The following PHKB variants were observed in gnomAD, a reference collection of about 807,000 sequenced individuals.
The protein encoded by PHKB is phosphorylase b kinase regulatory subunit beta.
In PHKB, 122 loss-of-function variants were observed where a neutral mutation model predicts 152.1. That is an observed-to-expected ratio of 0.80 (90% CI 0.69 to 0.93). The LOEUF is 0.93. Among genes scored for constraint, PHKB ranks in the 40% least tolerant of loss-of-function variants. The probability of loss-of-function intolerance (pLI) is 0.00; values close to 1 mark genes in which losing one functional copy is unlikely to be tolerated. For synonymous variants in PHKB, 436 were observed against 464.9 expected (o/e 0.94, Z 0.80); for missense variants, 1,304 against 1,328.4 (o/e 0.98, Z 0.29).
At chr16:47,661,856 A>C (rs1303480695) in intron 23 of PHKB, 56 bp downstream of exon 23, 1 of 1,010,402 alleles carries the variant, frequency 9.9e-7, no homozygotes, top group Admixed American at 1.7e-5. Flanking sequence ...CCTTGAACAT[A>C]TATCAAATAT....
chr16:47,694,374 A>G (rs1353631263), intron 28 of PHKB, among the ~76,000 whole-genome samples: 1 of 152,176 alleles, frequency 6.6e-6, no homozygotes, highest in East Asian at 1.9e-4. Flanking sequence ...TCTTTATACA[A>G]ATAAAGTATT....
intron 28 of PHKB, among the ~76,000 whole-genome samples, chr16:47,693,908 A>G (rs1445773489): frequency 1.3e-5 from 2 of 152,190 alleles, no homozygotes; most frequent in Admixed American, 6.5e-5. Flanking sequence ...AGAGTTTCCT[A>G]TATTGGCTTT....
At chr16:47,640,049 A>C (rs1459828220) in intron 14 of PHKB, among the ~76,000 whole-genome samples, 1 of 152,232 alleles carries the variant, frequency 6.6e-6, no homozygotes, top group Non-Finnish European at 1.5e-5. Flanking sequence ...TTTAAATCAC[A>C]TGAAAGTCTG....
At chr16:47,498,997 T>C (rs1226194632) in intron 2 of PHKB, among the ~76,000 whole-genome samples, 2 of 152,228 alleles carry the variant, frequency 1.3e-5, no homozygotes, top group African/African-American at 4.8e-5. Context: ...AGCAATAAAA[T>C]AGTTTTTAGT....
chr16:47,603,292 T>C (rs982437167), intron 13 of PHKB, among the ~76,000 whole-genome samples: 11 of 152,294 alleles, frequency 7.2e-5, no homozygotes, highest in African/African-American at 2.4e-4. Context: ...TTTTACATGT[T>C]GGTTGCTAAG....
chr16:47,612,496 C>T (rs1266214170), intron 14 of PHKB, among the ~76,000 whole-genome samples: 1 of 152,164 alleles, frequency 6.6e-6, no homozygotes, highest in Non-Finnish European at 1.5e-5. Flanking sequence ...CTCAAGAAAG[C>T]TTATCAGGAG....
intron 7 of PHKB, among the ~76,000 whole-genome samples, chr16:47,558,088 C>T (rs1971409744): frequency 6.6e-6 from 1 of 151,120 alleles, no homozygotes; most frequent in Admixed American, 6.6e-5. Context: ...TTTGTAGGGA[C>T]ATGGATGAAA....
intron 1 of PHKB, among the ~76,000 whole-genome samples, chr16:47,482,202 T>C (rs1969975444): frequency 6.6e-6 from 1 of 152,182 alleles, no homozygotes; most frequent in African/African-American, 2.4e-5. Flanking sequence ...ATCACTGAAG[T>C]CTAGGGGTTG....
intron 7 of PHKB, among the ~76,000 whole-genome samples, chr16:47,574,336 G>A (rs12922960): frequency 2.0e-5 from 3 of 151,946 alleles, no homozygotes; most frequent in Admixed American, 6.6e-5. Flanking sequence ...CAGTCTCCCC[G>A]CTTTCACACC....
chr16:47,557,371 A>G (rs892718846), intron 7 of PHKB, among the ~76,000 whole-genome samples: 4 of 152,238 alleles, frequency 2.6e-5, no homozygotes, highest in African/African-American at 9.6e-5. Context: ...ACAAAAGCCA[A>G]AATTGACAAA....
intron 26 of PHKB, 124 bp downstream of exon 26, chr16:47,669,541 C>A (rs752839673): frequency 8.4e-5 from 70 of 829,506 alleles, no homozygotes; most frequent in African/African-American, 1.8e-4. Flanking sequence ...AGCACCTGTC[C>A]TCTAAGCCAT....
chr16:47,529,019 G>T (rs1013437819), intron 6 of PHKB, among the ~76,000 whole-genome samples: 1 of 152,070 alleles, frequency 6.6e-6, no homozygotes, highest in Admixed American at 6.5e-5. Flanking sequence ...CACAAAAAAT[G>T]CTGGGGATTG....
At chr16:47,502,008 AACTT>A (rs1970332315) in intron 3 of PHKB, among the ~76,000 whole-genome samples, 1 of 152,194 alleles carries the variant, frequency 6.6e-6, no homozygotes, top group African/African-American at 2.4e-5. Flanking sequence ...AATGATGAAT[AACTT>A]ACTTTTTACT....
intron 1 of PHKB, among the ~76,000 whole-genome samples, chr16:47,478,148 C>T (rs1434246606): frequency 2.0e-5 from 3 of 152,032 alleles, no homozygotes; most frequent in African/African-American, 7.2e-5. Flanking sequence ...TACCTTAGAC[C>T]TCTTTAAAGC....
In PHKB at chr16:47,565,995, C is replaced by T. The variant is rs1438334228; in HGVS notation, c.711-14300C>T. 48 of 753,268 alleles carry T rather than the reference C, an allele frequency of 6.4e-5. No individual in the cohort carries two copies. In the South Asian group the frequency reaches 6.7e-4, roughly 10 times the overall value. The allele number at this position is 753,268 out of a possible 1,614,324, so 46.7% of individuals were successfully genotyped here. On this transcript the variant is annotated intron_variant, in intron 7 of 30. Coordinates refer to ENST00000323584, the MANE Select transcript of PHKB (RefSeq NM_000293.3). ...TCTGGAGCTCTATGACCGATCATCC[C>T]GTCTGTTGGATCAGTCTTCATCACA...
intron 14 of PHKB, among the ~76,000 whole-genome samples, chr16:47,616,469 A>G (rs1972515669): frequency 1.4e-5 from 2 of 139,784 alleles, no homozygotes; most frequent in Admixed American, 7.2e-5. Flanking sequence ...TATATGATAT[A>G]TAATATATCA....
chr16:47,584,736 G>A (rs926278062), intron 8 of PHKB, among the ~76,000 whole-genome samples: 1 of 152,192 alleles, frequency 6.6e-6, no homozygotes, highest in African/African-American at 2.4e-5. Flanking sequence ...GTTTTGCGGT[G>A]TGGTTTTGTT....
At chr16:47,482,974 G>A (rs1162423990) in intron 1 of PHKB, among the ~76,000 whole-genome samples, 1 of 151,158 alleles carries the variant, frequency 6.6e-6, no homozygotes, top group Non-Finnish European at 1.5e-5. Context: ...ACCCACCTTG[G>A]CCTCCCAAAG....
intron 27 of PHKB, among the ~76,000 whole-genome samples, chr16:47,691,438 C>T (rs1392534375): frequency 6.6e-6 from 1 of 152,180 alleles, no homozygotes; most frequent in African/African-American, 2.4e-5. Flanking sequence ...GGCACGATGG[C>T]TCACACCTGT....
Sources: gnomAD v4.1 joint callset for allele counts (sites outside exome capture counted in the v4.1 genomes callset) on GRCh38, gnomAD v4.1.1 for gene constraint, MANE v1.5 for transcripts, NCBI Gene and HGNC (gene_info 2026-07-23, HGNC 2026-07-21) for gene names.